The following CDH13 variants were observed in gnomAD, a reference collection of about 807,000 sequenced individuals.
CDH13 encodes the protein cadherin-13.
CDH13 carries 24 observed loss-of-function variants against 63.8 expected under a neutral mutation model. The observed-to-expected ratio is 0.38, with a 90% CI of 0.27 to 0.53. CDH13 has a LOEUF of 0.53. CDH13 is among the 20% of genes least tolerant of loss of function. The pLI is 0.85. For missense variants in CDH13, 1,049 were observed against 903.1 expected (o/e 1.16, Z -2.07); for synonymous variants, 503 against 355.3 (o/e 1.42, Z -4.67).
chr16:82,914,067 T>C (rs1279247413), intron 2 of CDH13, among the ~76,000 whole-genome samples: 2 of 152,044 alleles, frequency 1.3e-5, no homozygotes, highest in Non-Finnish European at 2.9e-5. Context: ...AGGGTGGGCA[T>C]GGAGCTCTGA....
intron 8 of CDH13, among the ~76,000 whole-genome samples, chr16:83,605,989 G>A (rs955994755): frequency 6.6e-6 from 1 of 152,208 alleles, no homozygotes; most frequent in African/African-American, 2.4e-5. Flanking sequence ...GCTGGGGAGA[G>A]GAGAGCTCCT....
chr16:83,322,752 A>G (rs148855791), intron 5 of CDH13, among the ~76,000 whole-genome samples: 2 of 152,244 alleles, frequency 1.3e-5, no homozygotes, highest in African/African-American at 2.4e-5. Flanking sequence ...CATCCGGTCT[A>G]TGACTCTACA....
At chr16:83,348,715 C>T (rs1039502965) in intron 6 of CDH13, among the ~76,000 whole-genome samples, 2 of 152,192 alleles carry the variant, frequency 1.3e-5, no homozygotes, top group Non-Finnish European at 2.9e-5. Context: ...TGATATTGGG[C>T]AAGTTACTGA....
At chr16:82,809,718 G>A (rs1329250469) in intron 1 of CDH13, among the ~76,000 whole-genome samples, 1 of 152,102 alleles carries the variant, frequency 6.6e-6, no homozygotes, top group African/African-American at 2.4e-5. Context: ...TTGTTCCCAA[G>A]AGGGAATTTG....
Position 83,206,049 on chromosome 16 carries a change from C to A in CDH13, c.484-11296C>A, listed in dbSNP as rs553772298. Among the ~76,000 whole-genome samples the A allele has an allele frequency of 3.3e-5, 5 of 152,166 alleles. No individual in the cohort carries two copies. In the South Asian group the frequency reaches 1.0e-3, roughly 32 times the overall value. Reference sequence around the variant, plus strand: ...CTTGTGCTGGTTACATATTTCATTACGGGGTGGCCTGGTGTGCTTTGGGAA... The same window carrying A: ...CTTGTGCTGGTTACATATTTCATTAAGGGGTGGCCTGGTGTGCTTTGGGAA... On this transcript the variant is annotated intron_variant, in intron 4 of 13. Coordinates refer to ENST00000567109, the MANE Select transcript of CDH13 (RefSeq NM_001257.5).
intron 2 of CDH13, among the ~76,000 whole-genome samples, chr16:82,927,484 C>T (rs1255059017): frequency 6.6e-6 from 1 of 152,128 alleles, no homozygotes; most frequent in Non-Finnish European, 1.5e-5. Context: ...TGAGTAGAGG[C>T]TGCGGGTATT....
At chr16:82,894,751 C>G (rs2041195872) in intron 2 of CDH13, among the ~76,000 whole-genome samples, 1 of 152,194 alleles carries the variant, frequency 6.6e-6, no homozygotes, top group Non-Finnish European at 1.5e-5. Context: ...CTGTAGCTAG[C>G]ATGGCCACGG....
chr16:83,438,057 G>A (rs1259363787), intron 6 of CDH13, among the ~76,000 whole-genome samples: 1 of 152,030 alleles, frequency 6.6e-6, no homozygotes, highest in Admixed American at 6.6e-5. Flanking sequence ...GTGCTAGAGT[G>A]GACTCTAAAG....
At chr16:82,693,958 T>C (rs185458032) in intron 1 of CDH13, among the ~76,000 whole-genome samples, 45 of 152,330 alleles carry the variant, frequency 3.0e-4, no homozygotes, top group African/African-American at 8.9e-4. Context: ...TGGATTAAAA[T>C]GATGTCATTT....
At chr16:83,271,877 T>G (rs1322224415) in intron 5 of CDH13, among the ~76,000 whole-genome samples, 1 of 152,210 alleles carries the variant, frequency 6.6e-6, no homozygotes, top group Non-Finnish European at 1.5e-5. Flanking sequence ...TGTTCAAGCC[T>G]CTTTAGCTGG....
At chr16:83,016,298 C>G (rs1210073951) in intron 2 of CDH13, among the ~76,000 whole-genome samples, 1 of 152,226 alleles carries the variant, frequency 6.6e-6, no homozygotes. Context: ...GTCAACTAGA[C>G]AGAACCAATC....
At chr16:82,867,289 G>T (rs1158575488) in intron 2 of CDH13, among the ~76,000 whole-genome samples, 2 of 152,040 alleles carry the variant, frequency 1.3e-5, no homozygotes, top group Non-Finnish European at 2.9e-5. Context: ...TAGTTTTTTT[G>T]ATGTTGGTGG....
chr16:83,263,477 A>G (rs1907223173), intron 5 of CDH13, among the ~76,000 whole-genome samples: 1 of 152,186 alleles, frequency 6.6e-6, no homozygotes, highest in Non-Finnish European at 1.5e-5. Flanking sequence ...CACAGAATGG[A>G]ACTCAGATCA....
chr16:83,245,179 C>T (rs1904867506), intron 5 of CDH13, among the ~76,000 whole-genome samples: 1 of 151,942 alleles, frequency 6.6e-6, no homozygotes, highest in Non-Finnish European at 1.5e-5. Flanking sequence ...CAATTTTAAG[C>T]TGCTTTCTTT....
intron 8 of CDH13, among the ~76,000 whole-genome samples, chr16:83,666,283 A>T (rs1372840790): frequency 6.6e-6 from 1 of 152,204 alleles, no homozygotes; most frequent in East Asian, 1.9e-4. Flanking sequence ...AATGGGGTTA[A>T]AACATTGAAT....
At chr16:83,274,550 A>T (rs1567556348) in intron 5 of CDH13, among the ~76,000 whole-genome samples, 1 of 152,152 alleles carries the variant, frequency 6.6e-6, no homozygotes, top group Non-Finnish European at 1.5e-5. Flanking sequence ...TCTCTAAGTA[A>T]TGTATTCCTT....
chr16:83,109,339 C>G (rs1032499404), intron 3 of CDH13, among the ~76,000 whole-genome samples: 3 of 152,102 alleles, frequency 2.0e-5, no homozygotes, highest in Non-Finnish European at 2.9e-5. Context: ...GAGTGTCTAA[C>G]CCCTCAACTG....
At chr16:83,579,557 A>T (rs1905356213) in intron 7 of CDH13, among the ~76,000 whole-genome samples, 1 of 152,004 alleles carries the variant, frequency 6.6e-6, no homozygotes, top group Non-Finnish European at 1.5e-5. Context: ...CAAGGGGGAA[A>T]TCCACCCCCT....
At chr16:83,180,726 T>C (rs1371830154) in intron 4 of CDH13, 1 of 629,520 alleles carries the variant, frequency 1.6e-6, no homozygotes, top group Non-Finnish European at 2.7e-6. Context: ...ATGCCAATTT[T>C]AATTCTAGAA....
Sources: allele counts gnomAD v4.1 joint callset (sites outside exome capture counted in the v4.1 genomes callset), GRCh38; gene constraint gnomAD v4.1.1; transcripts MANE v1.5; gene names NCBI Gene and HGNC (gene_info 2026-07-23, HGNC 2026-07-21).